Variants in ZNF114 observed in about 807,000 individuals in gnomAD.
The protein encoded by ZNF114 is zinc finger protein 114 (Y18).
In ZNF114, 8 loss-of-function variants were observed where a neutral mutation model predicts 6.8. The observed-to-expected ratio is 1.18, with a 90% CI of 0.69 to 2.13. The LOEUF is 2.13. ZNF114 is among the 30% of genes most tolerant of loss of function. ZNF114 has a pLI of 0.00. For synonymous variants in ZNF114, 169 were observed against 185.5 expected (o/e 0.91, Z 0.72); for missense variants, 472 against 519.5 (o/e 0.91, Z 0.89).
intron 4 of ZNF114, 58 bp downstream of exon 4, chr19:48,279,866 G>C: frequency 6.2e-7 from 1 of 1,612,990 alleles, no homozygotes; most frequent in Non-Finnish European, 8.5e-7. Flanking sequence ...GAGTCAATGT[G>C]CCTCTGCCTG....
At chr19:48,284,441 A>G (rs35792801) in intron 5 of ZNF114, among the ~76,000 whole-genome samples, 5,087 of 151,988 alleles carry the variant, frequency 0.033, 162 homozygotes, top group Middle Eastern at 0.13. Flanking sequence ...AAAGGAAAAA[A>G]AAAGAAAGAA....
chr19:48,278,840 G>A (rs1027153759), intron 3 of ZNF114, among the ~76,000 whole-genome samples: 3 of 152,168 alleles, frequency 2.0e-5, no homozygotes, highest in African/African-American at 2.4e-5. Context: ...CTAATCGGGA[G>A]GCTGAGACAG....
chr19:48,278,547 G>A (rs370030974), intron 3 of ZNF114, among the ~76,000 whole-genome samples: 19 of 152,262 alleles, frequency 1.2e-4, no homozygotes, highest in African/African-American at 4.3e-4. Context: ...GCCTCAGTCC[G>A]TTTTATGGCT....
chr19:48,272,889 G>T, intron 3 of ZNF114, among the ~76,000 whole-genome samples: 1 of 142,582 alleles, frequency 7.0e-6, no homozygotes, highest in East Asian at 2.3e-4. Flanking sequence ...TCCGCCTCCC[G>T]GGTTCACGCC....
At chr19:48,277,819 G>GTGTGTGTGTGTGTGTGTGTA in intron 3 of ZNF114, among the ~76,000 whole-genome samples, 1 of 151,416 alleles carries the variant, frequency 6.6e-6, no homozygotes, top group Non-Finnish European at 1.5e-5. Flanking sequence ...GTGTGTGTGT[G>GTGTGTGTGTGTGTGTGTGTA]TGTGTGTGTG....
intron 1 of ZNF114, among the ~76,000 whole-genome samples, chr19:48,270,544 G>T (rs1305599027): frequency 7.0e-6 from 1 of 142,724 alleles, no homozygotes; most frequent in African/African-American, 2.6e-5. Flanking sequence ...AGGAAAGAAG[G>T]GAGGGAGGGA....
chr19:48,277,794 GGTGTGTGT>G lies in ZNF114; in HGVS notation c.-69-1904_-69-1897del, dbSNP rs749201884. On this transcript the variant is annotated intron_variant, in intron 3 of 5. Coordinates refer to ENST00000595607, the MANE Select transcript of ZNF114 (RefSeq NM_153608.4). ...GAATAGACTGACCAGGGAGGCATTGGGTGTGTGTGTGTGTGTGTGTGTGTGTGTGTGTG... is the reference window on the plus strand; with the variant it reads ...GAATAGACTGACCAGGGAGGCATTGGGTGTGTGTGTGTGTGTGTGTGTGTG... Among the ~76,000 whole-genome samples the G allele has an allele frequency of 2.4e-3, 281 of 119,410 alleles. 1 individual carries two copies. The highest frequency in any genetic ancestry group is 8.4e-3 in the African/African-American group (258 of 30,596). 78.3% of individuals were successfully genotyped at this position (119,410 alleles called of 152,430 possible).
chr19:48,286,489 C>T lies in ZNF114; in HGVS notation c.865C>T (p.Pro289Ser), dbSNP rs2147298500. 1.9e-6 allele frequency: 3 copies of T among 1,614,154 alleles called. No homozygotes were observed. Among genetic ancestry groups the T allele is most frequent in the Non-Finnish European group, 2.5e-6 (3 of 1,180,034 alleles). ...CQTGATSANA[P>S]NSGSHKSHCT... The stretch of plus-strand genomic sequence containing the variant: ...AACTGGGGCAACCTCTGCCAACGCT[C>T]CAAATTCCGGTTCACACAAGAGTCA... Residue 289 changes from proline to serine, a missense_variant, in exon 6 of 6, where the codon CCA becomes TCA. Physicochemically the swap from Pro to Ser is moderately conservative, Grantham distance 74 (BLOSUM62 -1). Transcript: ENST00000595607.
intron 2 of ZNF114, 77 bp downstream of exon 2, chr19:48,271,526 CGGGGGGTGGGACGGGGGT>C (rs1967655920): frequency 3.5e-4 from 1 of 2,820 alleles, no homozygotes; most frequent in African/African-American, 2.1e-3. Flanking sequence ...GTCCCGGGGG[CGGGGGGTGGGACGGGGGT>C]GGGCAGGCAG....
rs1968108903 is a variant in ZNF114 at position 48,285,831 on chromosome 19, T to C, written c.207T>C (p.Pro69=). ...QPDILPKRTF[P]EANRVCLTSI... ...ATATTCTTCCTAAAAGAACATTTCC[T>C]GAAGCCAACAGAGTGTGTCTCACGA... Residue 69 remains proline (P), a synonymous_variant, in exon 6 of 6, where the codon CCT becomes CCC. Transcript: ENST00000595607. The C allele has an allele frequency of 6.2e-7, 1 of 1,614,062 alleles. No homozygotes were observed. Among genetic ancestry groups the C allele is most frequent in the Non-Finnish European group, 8.5e-7 (1 of 1,180,002 alleles).
chr19:48,272,833 T>TC (rs1173249334), intron 3 of ZNF114, among the ~76,000 whole-genome samples: 3 of 135,294 alleles, frequency 2.2e-5, no homozygotes, highest in Non-Finnish European at 4.6e-5. Flanking sequence ...TCTCGCTCTG[T>TC]CACCCAGGCT....
intron 5 of ZNF114, among the ~76,000 whole-genome samples, chr19:48,284,361 T>A (rs149985148): frequency 5.3e-5 from 8 of 152,004 alleles, no homozygotes; most frequent in African/African-American, 1.9e-4. Context: ...GGCCAGGAAG[T>A]CGAGACCAGC....
At chr19:48,282,518 C>T (rs1411744620) in intron 5 of ZNF114, 21 bp downstream of exon 5, 2 of 1,601,294 alleles carry the variant, frequency 1.2e-6, no homozygotes, top group Non-Finnish European at 1.7e-6. Context: ...CCCCTTCCTG[C>T]ACTTAGTCCG....
At chr19:48,281,966 G>C (rs534719578) in intron 4 of ZNF114, among the ~76,000 whole-genome samples, 4 of 128,966 alleles carry the variant, frequency 3.1e-5, no homozygotes, top group Non-Finnish European at 6.4e-5. Flanking sequence ...GTGTGATCTC[G>C]GCTCACTGCA....
intron 3 of ZNF114, among the ~76,000 whole-genome samples, chr19:48,272,245 C>T (rs1967677836): frequency 6.6e-6 from 1 of 151,964 alleles, no homozygotes; most frequent in Non-Finnish European, 1.5e-5. Flanking sequence ...ACCCCCATCT[C>T]CACTAAAAAT....
intron 3 of ZNF114, among the ~76,000 whole-genome samples, chr19:48,276,890 G>A (rs753752451): frequency 2.0e-5 from 3 of 152,238 alleles, no homozygotes; most frequent in Admixed American, 6.5e-5. Context: ...TGGGCGTGGT[G>A]GCTCACGCCT....
At chr19:48,275,453 C>CACACACACACACACACACAT in intron 3 of ZNF114, among the ~76,000 whole-genome samples, 1 of 137,266 alleles carries the variant, frequency 7.3e-6, no homozygotes, top group African/African-American at 2.6e-5. Flanking sequence ...CACACACACA[C>CACACACACACACACACACAT]ACACAAAATA....
At chr19:48,276,304 C>A (rs1042238987) in intron 3 of ZNF114, among the ~76,000 whole-genome samples, 15 of 151,860 alleles carry the variant, frequency 9.9e-5, no homozygotes, top group Admixed American at 9.2e-4. Context: ...GTCTCAAACT[C>A]CCTACCTCAG....
At chr19:48,275,545 G>A (rs1967806379) in intron 3 of ZNF114, among the ~76,000 whole-genome samples, 1 of 151,980 alleles carries the variant, frequency 6.6e-6, no homozygotes. Flanking sequence ...AGAAAGCAGA[G>A]GTTGCAGTGA....
Sources: allele counts gnomAD v4.1 joint callset (sites outside exome capture counted in the v4.1 genomes callset), GRCh38; gene constraint gnomAD v4.1.1; transcripts MANE v1.5; gene names NCBI Gene and HGNC (gene_info 2026-07-23, HGNC 2026-07-21).